Variants in ERC2 observed in about 807,000 individuals in gnomAD.
The protein encoded by ERC2 is ELKS/RAB6-interacting/CAST family member 2, also known as ERC protein 2.
In ERC2, 42 loss-of-function variants were observed where a neutral mutation model predicts 114.8. The observed-to-expected ratio is 0.37, with a 90% CI of 0.29 to 0.47. The LOEUF (loss-of-function observed/expected upper bound fraction) is 0.47. Ranked by LOEUF, ERC2 falls within the 20% of genes least tolerant of loss-of-function variation. ERC2 has a pLI of 0.99. For missense variants in ERC2, 939 were observed against 1,150.7 expected, an observed-to-expected ratio of 0.82 and a Z score of 2.66; for synonymous variants, 454 against 425.5, an observed-to-expected ratio of 1.07 and a Z score of -0.82.
intron 14 of ERC2, among the ~76,000 whole-genome samples, chr3:55,801,111 T>C (rs965829312): frequency 2.6e-5 from 4 of 152,224 alleles, no homozygotes; most frequent in African/African-American, 9.6e-5. Flanking sequence ...CAAAATTGCT[T>C]CTTGAATTAT....
At chr3:55,540,183 C>G (rs2054301467) in intron 17 of ERC2, among the ~76,000 whole-genome samples, 1 of 152,154 alleles carries the variant, frequency 6.6e-6, no homozygotes, top group African/African-American at 2.4e-5. Context: ...TCCTACCTGA[C>G]AATACAGACT....
intron 6 of ERC2, among the ~76,000 whole-genome samples, chr3:56,133,205 A>T (rs1023354624): frequency 2.0e-5 from 3 of 152,216 alleles, no homozygotes; most frequent in Admixed American, 2.0e-4. Flanking sequence ...TGGGAAGCTG[A>T]GGCGGGCAAA....
intron 2 of ERC2, among the ~76,000 whole-genome samples, chr3:56,351,202 AAG>A (rs1209843383): frequency 6.6e-6 from 1 of 152,204 alleles, no homozygotes; most frequent in Non-Finnish European, 1.5e-5. Context: ...CATTCTAAAA[AAG>A]AAGAAAAAAA....
At chr3:56,294,491 T>C (rs1036036890) in intron 3 of ERC2, among the ~76,000 whole-genome samples, 1 of 152,234 alleles carries the variant, frequency 6.6e-6, no homozygotes, top group Non-Finnish European at 1.5e-5. Context: ...AGTGCCTCTG[T>C]TCCTTACTGA....
rs531491660 is a variant in ERC2 at position 56,052,226 on chromosome 3, A to G, written c.1641+28591T>C. On this transcript the variant is annotated intron_variant, in intron 7 of 17. Transcript: ENST00000288221. ...AGACCTGTTTGCTCTGTGAAAAGCT[A>G]CAAGATGCTTTCAGCCAGAAAAAGA... Among the ~76,000 whole-genome samples, 7 of 152,348 alleles carry G rather than the reference A, an allele frequency of 4.6e-5. No homozygotes were observed. In the East Asian group the frequency reaches 1.4e-3, roughly 29 times the overall value.
At chr3:56,000,493 A>G (rs557198399) in intron 10 of ERC2, among the ~76,000 whole-genome samples, 1 of 152,180 alleles carries the variant, frequency 6.6e-6, no homozygotes, top group Non-Finnish European at 1.5e-5. Context: ...TAACTGATTT[A>G]AACTACTTAC....
intron 13 of ERC2, among the ~76,000 whole-genome samples, chr3:55,916,882 G>A (rs1210993930): frequency 6.6e-6 from 1 of 152,136 alleles, no homozygotes; most frequent in East Asian, 1.9e-4. Context: ...ATAGTATTTA[G>A]GACAGGGGTG....
At position 55,968,756 on chromosome 3, in the gene ERC2, T is replaced by TA. The variant is rs2068936525; in HGVS notation, c.2267+17220dup. On this transcript the variant is annotated intron_variant, in intron 12 of 17. Coordinates refer to ENST00000288221, the MANE Select transcript of ERC2 (RefSeq NM_015576.3). ...ATTAACAATAATGAGAGATATGTGC[T>TA]AAAAATGAATAGCTGCTAACTCCAG... Among the ~76,000 whole-genome samples, 6 of 152,332 alleles carry TA rather than the reference T, an allele frequency of 3.9e-5. No individual in the cohort carries two copies. In the South Asian group the frequency reaches 1.2e-3, roughly 32 times the overall value.
intron 14 of ERC2, among the ~76,000 whole-genome samples, chr3:55,747,635 A>T (rs1171157186): frequency 6.6e-6 from 1 of 152,272 alleles, no homozygotes; most frequent in East Asian, 1.9e-4. Flanking sequence ...ACACTCATTA[A>T]TCATGATCTT....
intron 1 of ERC2, among the ~76,000 whole-genome samples, chr3:56,459,362 C>G (rs1219178764): frequency 6.6e-6 from 1 of 152,216 alleles, no homozygotes; most frequent in Non-Finnish European, 1.5e-5. Flanking sequence ...CTCTTGTCTT[C>G]TGACCCACTA....
At chr3:55,930,620 G>A (rs975557249) in intron 13 of ERC2, among the ~76,000 whole-genome samples, 4 of 152,064 alleles carry the variant, frequency 2.6e-5, no homozygotes, top group Non-Finnish European at 5.9e-5. Flanking sequence ...GGATTAAAGA[G>A]TTAAACGTAA....
chr3:55,737,567 G>A (rs2065712547), intron 14 of ERC2, among the ~76,000 whole-genome samples: 2 of 152,160 alleles, frequency 1.3e-5, no homozygotes, highest in Admixed American at 1.3e-4. Context: ...TCTAAGTGAA[G>A]CTTTTTTAAT....
chr3:56,312,208 A>AC, intron 2 of ERC2, among the ~76,000 whole-genome samples: 1 of 152,144 alleles, frequency 6.6e-6, no homozygotes, highest in Non-Finnish European at 1.5e-5. Context: ...ATTTCTAAAG[A>AC]TTCCATAAAT....
At chr3:56,364,706 T>A (rs2059085929) in intron 2 of ERC2, among the ~76,000 whole-genome samples, 1 of 152,208 alleles carries the variant, frequency 6.6e-6, no homozygotes, top group Admixed American at 6.5e-5. Flanking sequence ...AAGAGAAGAA[T>A]AATTGCCATT....
chr3:55,553,693 T>G (rs913913807), intron 17 of ERC2, among the ~76,000 whole-genome samples: 25 of 151,756 alleles, frequency 1.6e-4, no homozygotes, highest in Non-Finnish European at 3.1e-4. Context: ...GGCAGGAGAA[T>G]GGCGTGAACC....
At chr3:55,972,703 T>G (rs1052810972) in intron 12 of ERC2, among the ~76,000 whole-genome samples, 4 of 152,218 alleles carry the variant, frequency 2.6e-5, no homozygotes, top group Admixed American at 2.0e-4. Context: ...TGGTTCCAAG[T>G]CTTTGCTATT....
intron 12 of ERC2, among the ~76,000 whole-genome samples, chr3:55,957,677 A>C (rs2068054577): frequency 6.6e-6 from 1 of 152,162 alleles, no homozygotes; most frequent in Non-Finnish European, 1.5e-5. Flanking sequence ...GTGTGTGAGC[A>C]AGCATGGGGT....
At chr3:55,833,085 G>A (rs1295926807) in intron 14 of ERC2, among the ~76,000 whole-genome samples, 3 of 149,358 alleles carry the variant, frequency 2.0e-5, no homozygotes, top group East Asian at 3.9e-4. Flanking sequence ...AATGAACAAA[G>A]CCTCCAAGAA....
intron 2 of ERC2, among the ~76,000 whole-genome samples, chr3:56,399,766 G>GA (rs59190537): frequency 0.23 from 34,699 of 149,936 alleles, 4,565 homozygotes; most frequent in Non-Finnish European, 0.3. Flanking sequence ...CCTCTCCCAT[G>GA]AAAAAAAAAG....
Sources: allele counts gnomAD v4.1 joint callset (sites outside exome capture counted in the v4.1 genomes callset), GRCh38; gene constraint gnomAD v4.1.1; transcripts MANE v1.5; gene names NCBI Gene and HGNC (gene_info 2026-07-23, HGNC 2026-07-21).